IP6K1: variants seen among roughly 807,000 people sequenced by gnomAD.
IP6K1 encodes inositol hexakisphosphate kinase 1.
In IP6K1, 13 loss-of-function variants were observed where a neutral mutation model predicts 38.3. The observed-to-expected ratio is 0.34, with a 90% CI of 0.22 to 0.54. IP6K1 has a LOEUF of 0.54. Ranked by LOEUF, IP6K1 falls within the 20% of genes least tolerant of loss-of-function variation. IP6K1 has a pLI of 0.92. For missense variants in IP6K1, 397 were observed against 599.8 expected (o/e 0.66, Z 3.53); for synonymous variants, 212 against 229.9 (o/e 0.92, Z 0.70).
intron 1 of IP6K1, among the ~76,000 whole-genome samples, chr3:49,782,177 CT>C (rs113029787): frequency 0.47 from 69,828 of 148,364 alleles, 16,967 homozygotes; most frequent in African/African-American, 0.56. Flanking sequence ...TCTGCTTTTT[CT>C]TTTTTTTTTT....
intron 1 of IP6K1, among the ~76,000 whole-genome samples, chr3:49,773,122 G>C (rs528963843): frequency 6.6e-6 from 1 of 152,136 alleles, no homozygotes; most frequent in South Asian, 2.1e-4. Flanking sequence ...ATTGCACCTG[G>C]CCAATTAATA....
At chr3:49,733,803 C>T (rs2108225092) in intron 3 of IP6K1, among the ~76,000 whole-genome samples, 1 of 152,270 alleles carries the variant, frequency 6.6e-6, no homozygotes, top group South Asian at 2.1e-4. Flanking sequence ...TGCTACCAAA[C>T]CACGCCCAGC....
At chr3:49,775,345 A>C (rs1245459455) in intron 1 of IP6K1, 2 of 318,348 alleles carry the variant, frequency 6.3e-6, no homozygotes, top group African/African-American at 4.3e-5. Flanking sequence ...TGTCATTGGA[A>C]GATTGTGTGA....
chr3:49,759,175 C>A (rs1043770417), intron 1 of IP6K1, among the ~76,000 whole-genome samples: 3 of 152,078 alleles, frequency 2.0e-5, no homozygotes, highest in East Asian at 1.9e-4. Flanking sequence ...CTGAGAGGCA[C>A]TAAAAATCAG....
intron 1 of IP6K1, among the ~76,000 whole-genome samples, chr3:49,752,096 C>A (rs2080781705): frequency 6.6e-6 from 1 of 152,104 alleles, no homozygotes; most frequent in Non-Finnish European, 1.5e-5. Context: ...GCCTCTAACT[C>A]CTGGGATCAA....
Position 49,727,473 on chromosome 3 carries a change from C to T in IP6K1, c.975G>A (p.Gln325=), listed in dbSNP as rs372277698. ...AACTGGAGTAGAAGCGGTAAGAGGC[C>T]TGCCGCTCCAGCACAGCTTTCAGGC... The part of the protein sequence containing the change: ...LRGLKAVLER[Q]ASYRFYSSSL... Residue 325 remains glutamine (Q), a synonymous_variant, in exon 6 of 6, where the codon CAG becomes CAA. Coordinates refer to ENST00000321599, the MANE Select transcript of IP6K1 (RefSeq NM_153273.4). This position sits in a 1 kb window ranked among gnomAD's most constrained non-coding sequence, Gnocchi z 5.9. 5.9e-5 allele frequency: 95 copies of T among 1,614,060 alleles called. No homozygotes were observed. Among genetic ancestry groups the T allele is most frequent in the Non-Finnish European group, 7.6e-5 (90 of 1,180,036 alleles).
intron 1 of IP6K1, among the ~76,000 whole-genome samples, chr3:49,752,546 A>T (rs1435806346): frequency 1.0e-4 from 15 of 147,760 alleles, no homozygotes; most frequent in South Asian, 2.1e-4. Context: ...TGTGTGTGTG[A>T]GTTTCGCTCT....
In IP6K1 at chr3:49,784,646, G is replaced by GA. The variant is rs35547506; in HGVS notation, c.-129+1707dup. Among the ~76,000 whole-genome samples, 958 of 134,452 alleles carry GA rather than the reference G, an allele frequency of 7.1e-3. 8 individuals carry two copies. Among genetic ancestry groups the GA allele is most frequent in the African/African-American group, 0.019 (669 of 36,120 alleles). The allele number at this position is 134,452 out of a possible 152,430, so 88.2% of individuals were successfully genotyped here. A position where few individuals can be genotyped will look rare whatever the true frequency, so the allele number is the denominator to read the frequency against. ...GGTGAGAGAACGAGACTTCGTCTCA[G>GA]AAAAAAAAAAAAAAAGTAGGCTTGG... is the stretch of plus-strand genomic sequence containing the variant. On this transcript the variant is annotated intron_variant, in intron 1 of 5. Coordinates refer to ENST00000321599, the MANE Select transcript of IP6K1 (RefSeq NM_153273.4).
chr3:49,745,664 G>T (rs1019401726), intron 2 of IP6K1, among the ~76,000 whole-genome samples: 18 of 152,160 alleles, frequency 1.2e-4, no homozygotes, highest in Non-Finnish European at 2.9e-5. Flanking sequence ...AAAGCAGCTT[G>T]CCCAACATGG....
rs914552725 is a variant in IP6K1, at chr3:49,724,383, G to C, written c.*2739C>G. 6.6e-6 allele frequency: 1 copy of C among 152,294 alleles called. No individual in the cohort carries two copies. The highest frequency in any genetic ancestry group is 2.4e-5 in the African/African-American group (1 of 41,458). The allele number at this position is 152,294 out of a possible 1,614,324, so 9.4% of individuals were successfully genotyped here. On this transcript the variant is annotated 3_prime_UTR_variant, in exon 6 of 6. Transcript: ENST00000321599. ...AGGTGTACAGAAAGGAGCGGGCTCGGACCGAGCACCCCCTCCCCCGCACGC... is the reference window on the plus strand; with the variant it reads ...AGGTGTACAGAAAGGAGCGGGCTCGCACCGAGCACCCCCTCCCCCGCACGC...
At chr3:49,782,255 C>T (rs2081071897) in intron 1 of IP6K1, among the ~76,000 whole-genome samples, 1 of 151,906 alleles carries the variant, frequency 6.6e-6, no homozygotes, top group African/African-American at 2.4e-5. Context: ...ACTGCAACCT[C>T]CACCTCCCAG....
At position 49,727,274 on chromosome 3, in the gene IP6K1, T is replaced by C; in HGVS notation, c.1174A>G (p.Lys392Glu). ...SPEAGPSSQP[K>E]VDVRMIDFAH... ...AAGTCAATCATGCGGACATCCACCTTGGGCTGAGAGGAGGGACCCGCCTCG... is the reference window on the plus strand; with the variant it reads ...AAGTCAATCATGCGGACATCCACCTCGGGCTGAGAGGAGGGACCCGCCTCG... Residue 392 changes from lysine to glutamate, a missense_variant, in exon 6 of 6, where the codon AAG (lysine) becomes GAG (glutamate). By Grantham distance (56) the Lys-to-Glu change is moderately conservative (BLOSUM62 1). Transcript: ENST00000321599. This position sits in a 1 kb window ranked among gnomAD's most constrained non-coding sequence, Gnocchi z 5.9. 1 of 1,614,160 alleles carries C rather than the reference T, an allele frequency of 6.2e-7. No homozygotes were observed. The highest frequency in any genetic ancestry group is 8.5e-7 in the Non-Finnish European group (1 of 1,180,024).
chr3:49,766,626 T>C (rs1283674674), intron 1 of IP6K1, among the ~76,000 whole-genome samples: 10 of 147,656 alleles, frequency 6.8e-5, no homozygotes, highest in Non-Finnish European at 3.0e-5. Context: ...ATCGTGCCAT[T>C]GCACTCCAGC....
rs34536749 is a variant in IP6K1, at chr3:49,765,645, T to TA, written c.-128-17478dup. Among the ~76,000 whole-genome samples the TA allele has an allele frequency of 3.1e-3, 388 of 125,770 alleles. 2 individuals are homozygous for TA. The highest frequency in any genetic ancestry group is 0.022 in the South Asian group (82 of 3,812). The allele number at this position is 125,770 out of a possible 152,430, so 82.5% of individuals were successfully genotyped here. On this transcript the variant is annotated intron_variant, in intron 1 of 5. Transcript: ENST00000321599. ...CCTGGCAACAGAGCGAGACTCGTCTTAAAAAAAAAAAAAAAAAAAGGGCCG... is the reference window on the plus strand; with the variant it reads ...CCTGGCAACAGAGCGAGACTCGTCTTAAAAAAAAAAAAAAAAAAAAGGGCCG...
intron 1 of IP6K1, chr3:49,775,257 C>T (rs1382914276): frequency 5.5e-6 from 1 of 183,046 alleles, no homozygotes; most frequent in Non-Finnish European, 1.2e-5. Flanking sequence ...AAAAAATAGG[C>T]TTCTAGCGGC....
intron 1 of IP6K1, among the ~76,000 whole-genome samples, chr3:49,752,734 G>A (rs907699223): frequency 2.6e-5 from 4 of 151,596 alleles, no homozygotes; most frequent in Non-Finnish European, 5.9e-5. Flanking sequence ...GGGGATTACA[G>A]GCGTGAGCCA....
intron 1 of IP6K1, among the ~76,000 whole-genome samples, chr3:49,771,210 A>C (rs1277817940): frequency 1.3e-5 from 2 of 149,424 alleles, no homozygotes; most frequent in Non-Finnish European, 1.5e-5. Context: ...AAAAAAAAAA[A>C]AACCCTGCCA....
At chr3:49,754,515 C>T (rs1303467960) in intron 1 of IP6K1, among the ~76,000 whole-genome samples, 1 of 152,106 alleles carries the variant, frequency 6.6e-6, no homozygotes, top group African/African-American at 2.4e-5. Context: ...AAGATGCTGT[C>T]TCAATGACAA....
At chr3:49,759,707 G>A (rs556007814) in intron 1 of IP6K1, among the ~76,000 whole-genome samples, 3 of 152,150 alleles carry the variant, frequency 2.0e-5, no homozygotes, top group African/African-American at 4.8e-5. Context: ...AACAAAAAAC[G>A]ACTTTATTAA....
Sources: gnomAD v4.1 joint callset for allele counts (sites outside exome capture counted in the v4.1 genomes callset) on GRCh38, gnomAD v4.1.1 for gene constraint, Gnocchi (gnomAD v3.1) non-coding constraint, MANE v1.5 for transcripts, NCBI Gene and HGNC (gene_info 2026-07-23, HGNC 2026-07-21) for gene names.